The following ARMC10 variants were observed in gnomAD, a reference collection of about 807,000 sequenced individuals.
ARMC10 encodes the protein armadillo repeat containing 10, also known as armadillo repeat-containing protein 10.
In ARMC10, 23 loss-of-function variants were observed where a neutral mutation model predicts 30.2. The ratio of observed to expected loss-of-function variants is 0.76; its 90% CI spans 0.55 to 1.08. The LOEUF is 1.08. Among genes scored for constraint, ARMC10 ranks in the 50% least tolerant of loss-of-function variants. ARMC10 has a pLI of 0.00. For missense variants in ARMC10, 303 were observed against 413.7 expected (o/e 0.73, Z 2.32); for synonymous variants, 111 against 164.4 (o/e 0.68, Z 2.48).
intron 3 of ARMC10, among the ~76,000 whole-genome samples, chr7:103,084,984 G>T (rs189126698): frequency 1.6e-4 from 24 of 152,280 alleles, no homozygotes; most frequent in African/African-American, 5.8e-4. Flanking sequence ...GAATACAAGT[G>T]AACAACAATC....
At chr7:103,076,895 T>A (rs796660351) in intron 2 of ARMC10, among the ~76,000 whole-genome samples, 14 of 152,262 alleles carry the variant, frequency 9.2e-5, no homozygotes, top group African/African-American at 3.4e-4. Flanking sequence ...AAAAGGAGTT[T>A]TGTTTTGTTT....
At chr7:103,093,684 T>C (rs1801539541) in intron 5 of ARMC10, among the ~76,000 whole-genome samples, 1 of 152,190 alleles carries the variant, frequency 6.6e-6, no homozygotes. Flanking sequence ...CTTCCCTCTT[T>C]ACTGTATGTT....
At chr7:103,085,606 C>CTTCTTTTTTT (rs1563322299) in intron 3 of ARMC10, among the ~76,000 whole-genome samples, 10 of 130,550 alleles carry the variant, frequency 7.7e-5, no homozygotes, top group Non-Finnish European at 8.3e-5. Flanking sequence ...CATTTCTCTT[C>CTTCTTTTTTT]TTTTTTTTTT....
Position 103,082,095 on chromosome 7 carries a change from T to C in ARMC10, c.245-1587T>C, listed in dbSNP as rs574217965. Among the ~76,000 whole-genome samples the C allele has an allele frequency of 3.3e-5, 5 of 152,360 alleles. No homozygotes were observed. In the East Asian group the frequency reaches 9.6e-4, roughly 29 times the overall value. On this transcript the variant is annotated intron_variant, in intron 2 of 6. Transcript: ENST00000323716. ...TGTGTTTTTATCATTCTTTCCTTTA[T>C]CTTTTCAAGTATTCTTTGGGTGAAA...
intron 6 of ARMC10, among the ~76,000 whole-genome samples, 183 bp from the exon 7 acceptor site, chr7:103,098,116 T>C (rs1801921562): frequency 6.6e-6 from 1 of 152,192 alleles, no homozygotes; most frequent in South Asian, 2.1e-4. Flanking sequence ...GTTTTATACA[T>C]CTAAGTTATG....
chr7:103,083,868 C>G, intron 3 of ARMC10, 38 bp downstream of exon 3: 1 of 1,605,070 alleles, frequency 6.2e-7, no homozygotes, highest in Non-Finnish European at 8.5e-7. Flanking sequence ...TCTTTCCATT[C>G]TTACACACTA....
chr7:103,086,381 T>C (rs886905023), intron 3 of ARMC10, among the ~76,000 whole-genome samples: 2 of 152,186 alleles, frequency 1.3e-5, no homozygotes, highest in African/African-American at 4.8e-5. Context: ...TAAATTTTTA[T>C]TGTATTTCTC....
Position 103,082,128 on chromosome 7 carries a change from T to A in ARMC10, c.245-1554T>A, listed in dbSNP as rs544398325. Among the ~76,000 whole-genome samples, 54 of 152,308 alleles carry A rather than the reference T, an allele frequency of 3.5e-4. No individual in the cohort carries two copies. In the South Asian group the frequency reaches 9.7e-3, roughly 27 times the overall value. On this transcript the variant is annotated intron_variant, in intron 2 of 6. Coordinates refer to ENST00000323716, the MANE Select transcript of ARMC10 (RefSeq NM_031905.5). ...AGTATTCTTTGGGTGAAACGCTATTTTATAAGGTGTTAATGAGGCCAACAG... is the reference window on the plus strand; with the variant it reads ...AGTATTCTTTGGGTGAAACGCTATTATATAAGGTGTTAATGAGGCCAACAG...
At position 103,075,267 on chromosome 7, in the gene ARMC10, G is replaced by A. The variant is rs1482315290; in HGVS notation, c.-6G>A. On this transcript the variant is annotated 5_prime_UTR_variant, in exon 1 of 7. Coordinates refer to ENST00000323716, the MANE Select transcript of ARMC10 (RefSeq NM_031905.5). ...CCCGGCGCTGCGGCTCTGCCGCGGC[G>A]GCAGCATGGGTGGCCCCCGGGGCGC... The A allele has an allele frequency of 1.7e-6, 2 of 1,201,886 alleles. No homozygotes were observed. Among genetic ancestry groups the A allele is most frequent in the Non-Finnish European group, 2.1e-6 (2 of 968,606 alleles). 74.5% of individuals were successfully genotyped at this position (1,201,886 alleles called of 1,614,324 possible).
chr7:103,090,242 G>T (rs928480566), intron 4 of ARMC10, among the ~76,000 whole-genome samples: 1 of 152,206 alleles, frequency 6.6e-6, no homozygotes, highest in South Asian at 2.1e-4. Flanking sequence ...CACATTTTAG[G>T]AAATGCCTTG....
In ARMC10 at chr7:103,086,808, T is replaced by TA. The variant is rs1563323899; in HGVS notation, c.528+50dup. The TA allele has an allele frequency of 4.4e-6, 7 of 1,580,906 alleles. No homozygotes were observed. The South Asian group carries it at 5.9e-5, about 13-fold the overall frequency. On this transcript the variant is annotated intron_variant, in intron 4 of 6. Transcript: ENST00000323716. ...ACAAATGTATAAGGTTTTCTATAAA[T>TA]AAAAAATAACAAAAAGATGAGTAAT...
intron 6 of ARMC10, 69 bp downstream of exon 6, chr7:103,097,417 A>G (rs1298794850): frequency 8.5e-7 from 1 of 1,178,076 alleles, no homozygotes; most frequent in Non-Finnish European, 1.2e-6. Context: ...ACAGATCTGG[A>G]AAGATTAAGC....
chr7:103,098,630 C>T lies in ARMC10; in HGVS notation c.*77C>T. On this transcript the variant is annotated 3_prime_UTR_variant, in exon 7 of 7. Coordinates refer to ENST00000323716, the MANE Select transcript of ARMC10 (RefSeq NM_031905.5). ...TGTCTTCCTTATAAGGGGATTCTCC[C>T]AGCTGCTAAATTTAAACAGTAAATA... The T allele has an allele frequency of 6.7e-7, 1 of 1,493,880 alleles. No homozygotes were observed. The highest frequency in any genetic ancestry group is 8.9e-7 in the Non-Finnish European group (1 of 1,122,966). 92.5% of individuals were successfully genotyped at this position (1,493,880 alleles called of 1,614,324 possible). A position where few individuals can be genotyped will look rare whatever the true frequency, so the allele number is the denominator to read the frequency against.
At chr7:103,080,625 T>G (rs1020811705) in intron 2 of ARMC10, among the ~76,000 whole-genome samples, 6 of 151,088 alleles carry the variant, frequency 4.0e-5, no homozygotes, top group African/African-American at 9.7e-5. Flanking sequence ...ATTTTATTTT[T>G]TATTTATTCA....
chr7:103,092,194 G>T (rs1399069977), intron 4 of ARMC10, among the ~76,000 whole-genome samples: 1 of 152,036 alleles, frequency 6.6e-6, no homozygotes, highest in Non-Finnish European at 1.5e-5. Context: ...TTAGCCGGGC[G>T]TGGTGGCGGG....
chr7:103,091,700 TTC>T (rs1447906656), intron 4 of ARMC10, among the ~76,000 whole-genome samples: 10 of 132,982 alleles, frequency 7.5e-5, no homozygotes, highest in Admixed American at 3.1e-4. Flanking sequence ...TCACATCTTC[TTC>T]CCTGATCCCA....
chr7:103,086,167 C>G lies in ARMC10; in HGVS notation c.394-463C>G, dbSNP rs565489098. ...ACCCCCCCTTATTTTTATGGAACAT[C>G]TCTTAACATTTTGAGGGATTAGTGT... is the stretch of plus-strand genomic sequence containing the variant. On this transcript the variant is annotated intron_variant, in intron 3 of 6. Coordinates refer to ENST00000323716, the MANE Select transcript of ARMC10 (RefSeq NM_031905.5). 1.6e-4 allele frequency among the ~76,000 whole-genome samples: 24 copies of G among 152,270 alleles called. No individual in the cohort carries two copies. In the East Asian group the frequency reaches 4.4e-3, roughly 28 times the overall value.
intron 4 of ARMC10, chr7:103,087,861 A>G (rs977246796): frequency 3.8e-6 from 3 of 793,616 alleles, no homozygotes; most frequent in East Asian, 1.3e-4. Flanking sequence ...TTTCTACAGA[A>G]TTACAGATTA....
chr7:103,084,024 T>C lies in ARMC10; in HGVS notation c.393+194T>C, dbSNP rs564623017. ...AATAGTGATATGATTATTAATGTGATTATAGATCCCTATGAAGTTGGTCAC... is the reference window on the plus strand; with the variant it reads ...AATAGTGATATGATTATTAATGTGACTATAGATCCCTATGAAGTTGGTCAC... On this transcript the variant is annotated intron_variant, in intron 3 of 6. Coordinates refer to ENST00000323716, the MANE Select transcript of ARMC10 (RefSeq NM_031905.5). The C allele has an allele frequency of 2.0e-6, 3 of 1,511,338 alleles. No individual in the cohort carries two copies. In the South Asian group the frequency reaches 3.7e-5, roughly 18 times the overall value. 93.6% of individuals were successfully genotyped at this position (1,511,338 alleles called of 1,614,324 possible).
Sources: allele counts gnomAD v4.1 joint callset (sites outside exome capture counted in the v4.1 genomes callset), GRCh38; gene constraint gnomAD v4.1.1; transcripts MANE v1.5; gene names NCBI Gene and HGNC (gene_info 2026-07-23, HGNC 2026-07-21).